CTBP1: variants seen among roughly 807,000 people sequenced by gnomAD.
CTBP1 encodes C-terminal-binding protein 1.
Under a neutral mutation model 42.1 loss-of-function variants are expected in CTBP1, and 11 were observed. The observed-to-expected ratio is 0.26, with a 90% confidence interval of 0.16 to 0.43. The LOEUF is 0.43. Among genes scored for constraint, CTBP1 ranks in the 20% least tolerant of loss-of-function variants. The pLI is 1.00. For missense variants in CTBP1, 399 were observed against 624.3 expected (o/e 0.64, Z 3.85); for synonymous variants, 324 against 277.1 (o/e 1.17, Z -1.68).
intron 1 of CTBP1, among the ~76,000 whole-genome samples, chr4:1,247,362 G>GC (rs1456988499): frequency 1.3e-5 from 2 of 152,118 alleles, no homozygotes; most frequent in Non-Finnish European, 2.9e-5. Flanking sequence ...TCAAAGATGG[G>GC]CAACAGAATC....
chr4:1,247,126 A>G (rs1732796797), intron 1 of CTBP1, among the ~76,000 whole-genome samples: 1 of 152,214 alleles, frequency 6.6e-6, no homozygotes, highest in Non-Finnish European at 1.5e-5. Flanking sequence ...CAAGCGAGTA[A>G]AAGGGAAGAT....
chr4:1,216,572 A>C lies in CTBP1; in HGVS notation c.515-367T>G. The C allele has an allele frequency of 8.1e-6, 3 of 371,290 alleles. No homozygotes were observed. The South Asian group carries it at 1.1e-4, about 14-fold the overall frequency. 23.0% of individuals were successfully genotyped at this position (371,290 alleles called of 1,614,324 possible). On this transcript the variant is annotated intron_variant, in intron 5 of 9. Coordinates refer to ENST00000382952, the MANE Select transcript of CTBP1 (RefSeq NM_001012614.2). ...CACCCAACACATGTCCTCCGTGCCCAGGCCCCTCCGCTGGCCTTTCGATCC... is the reference window on the plus strand; with the variant it reads ...CACCCAACACATGTCCTCCGTGCCCCGGCCCCTCCGCTGGCCTTTCGATCC...
rs760591269 is a variant in CTBP1, at chr4:1,238,631, C to T, written c.8-294G>A. ...CCTCCGAGACCCTCCAAGGCCCCTC[C>T]GAGATCCTCCCAGACCCTCTGAGAC... On this transcript the variant is annotated intron_variant, in intron 2 of 9. Transcript: ENST00000382952. This position sits in a 1 kb window ranked among gnomAD's most constrained non-coding sequence, Gnocchi z 5.9. 9.3e-5 allele frequency among the ~76,000 whole-genome samples: 14 copies of T among 150,950 alleles called. No individual in the cohort carries two copies. Among genetic ancestry groups the T allele is most frequent in the Non-Finnish European group, 1.9e-4 (13 of 67,710 alleles).
chr4:1,241,488 T>C lies in CTBP1; in HGVS notation c.-157A>G. 1 of 1,605,060 alleles carries C rather than the reference T, an allele frequency of 6.2e-7. No individual in the cohort carries two copies. Among genetic ancestry groups the C allele is most frequent in the Non-Finnish European group, 8.5e-7 (1 of 1,178,370 alleles). On this transcript the variant is annotated 5_prime_UTR_variant, in exon 2 of 10. Coordinates refer to ENST00000382952, the MANE Select transcript of CTBP1 (RefSeq NM_001012614.2). The stretch of plus-strand genomic sequence containing the variant: ...TGCTCAGGCTTCTGATCCGCGGCAA[T>C]CACTGAAGCCTGCGTCGGGGTCAAA...
In CTBP1 at chr4:1,238,435, A is replaced by C; in HGVS notation, c.8-98T>G. ...ACTGTGCACGGGCCAACGAGGGCCG[A>C]CCGCCGGGGGTTTTCTGGTCTATAT... On this transcript the variant is annotated intron_variant, in intron 2 of 9. Transcript: ENST00000382952. The surrounding 1 kb of genome is among the most constrained non-coding windows in gnomAD (Gnocchi z 5.9). 7.1e-7 allele frequency: 1 copy of C among 1,404,506 alleles called. No individual in the cohort carries two copies. Among genetic ancestry groups the C allele is most frequent in the Non-Finnish European group, 9.5e-7 (1 of 1,055,852 alleles). The allele number at this position is 1,404,506 out of a possible 1,614,324, so 87.0% of individuals were successfully genotyped here. A position where few individuals can be genotyped will look rare whatever the true frequency, so the allele number is the denominator to read the frequency against.
intron 1 of CTBP1, among the ~76,000 whole-genome samples, chr4:1,248,227 G>A (rs1002320569): frequency 2.6e-5 from 4 of 151,896 alleles, no homozygotes; most frequent in Non-Finnish European, 5.9e-5. Context: ...CCCAGGCAAG[G>A]GCAGGTGGGG....
intron 2 of CTBP1, among the ~76,000 whole-genome samples, chr4:1,240,832 C>A (rs933255249): frequency 2.6e-5 from 4 of 152,192 alleles, no homozygotes; most frequent in Non-Finnish European, 5.9e-5. Context: ...GCTTCACAGT[C>A]ACACGGCCTG....
At chr4:1,232,375 G>A (rs1226408287) in intron 3 of CTBP1, among the ~76,000 whole-genome samples, 2 of 152,062 alleles carry the variant, frequency 1.3e-5, no homozygotes, top group African/African-American at 4.8e-5. Flanking sequence ...GCAGTGACAC[G>A]ATCTTGGCTC....
At chr4:1,248,160 T>C (rs891558953) in intron 1 of CTBP1, among the ~76,000 whole-genome samples, 2 of 151,994 alleles carry the variant, frequency 1.3e-5, no homozygotes, top group East Asian at 2.0e-4. Flanking sequence ...CGCCCGCCCG[T>C]GCTCCCTGCT....
intron 1 of CTBP1, chr4:1,242,079 T>A: frequency 1.0e-6 from 1 of 985,320 alleles, no homozygotes; most frequent in Non-Finnish European, 1.2e-6. Flanking sequence ...CCTCAGTGCA[T>A]CCTGGCGACG....
rs114263592 is a variant in CTBP1, at chr4:1,243,707, T to C, written c.-188-2188A>G. ...GGGAGCTGGCCTCCTACGGCCTTCC[T>C]GGCTGGCCGGTCAGGGTCAAGGGCT... On this transcript the variant is annotated intron_variant, in intron 1 of 9. Coordinates refer to ENST00000382952, the MANE Select transcript of CTBP1 (RefSeq NM_001012614.2). 8.0e-4 allele frequency: 788 copies of C among 985,454 alleles called. 3 individuals carry two copies. The African/African-American group carries it at 0.013, about 16-fold the overall frequency. The allele number at this position is 985,454 out of a possible 1,614,324, so 61.0% of individuals were successfully genotyped here. A position where few individuals can be genotyped will look rare whatever the true frequency, so the allele number is the denominator to read the frequency against.
chr4:1,242,102 T>C (rs1351806202), intron 1 of CTBP1: 2 of 984,886 alleles, frequency 2.0e-6, no homozygotes, highest in African/African-American at 3.5e-5. Context: ...CCCTCAATTC[T>C]CCCAAAAAAA....
At chr4:1,242,323 G>A (rs1250101) in intron 1 of CTBP1, 356,467 of 985,162 alleles carry the variant, frequency 0.36, 67,524 homozygotes, top group Middle Eastern at 0.44. Context: ...ACACAGCACC[G>A]AGGCTGACCC....
chr4:1,236,916 C>T, intron 3 of CTBP1: 1 of 676,824 alleles, frequency 1.5e-6, no homozygotes, highest in East Asian at 2.7e-5. Flanking sequence ...CAGGGCAAAC[C>T]CGGTGTCCAC....
chr4:1,237,649 C>T (rs1731689461), intron 3 of CTBP1: 1 of 475,532 alleles, frequency 2.1e-6, no homozygotes, highest in Non-Finnish European at 4.0e-6. Flanking sequence ...CCCGTGTCCA[C>T]CTCCTGATGG....
intron 1 of CTBP1, 170 bp from the exon 2 acceptor site, chr4:1,241,689 T>C: frequency 7.9e-7 from 1 of 1,260,086 alleles, no homozygotes; most frequent in Non-Finnish European, 1.0e-6. Flanking sequence ...GGGCCCCGGC[T>C]CCTGCCGCAC....
chr4:1,222,911 C>G (rs1181603704), intron 5 of CTBP1, among the ~76,000 whole-genome samples: 7 of 149,288 alleles, frequency 4.7e-5, no homozygotes. Flanking sequence ...TACAGACATC[C>G]CTGGCCACAC....
Position 1,212,130 on chromosome 4 carries a change from C to A in CTBP1, c.*110G>T. ...CCCTCCCGCCTCCTGACAGCCCGGACCAGTCTCTGCAGTGCCAGGGCCACC... is the reference window on the plus strand; with the variant it reads ...CCCTCCCGCCTCCTGACAGCCCGGAACAGTCTCTGCAGTGCCAGGGCCACC... On this transcript the variant is annotated 3_prime_UTR_variant, in exon 10 of 10. Coordinates refer to ENST00000382952, the MANE Select transcript of CTBP1 (RefSeq NM_001012614.2). The A allele has an allele frequency of 4.2e-6, 4 of 963,332 alleles. No homozygotes were observed. Among genetic ancestry groups the A allele is most frequent in the Non-Finnish European group, 5.7e-6 (4 of 702,688 alleles). The allele number at this position is 963,332 out of a possible 1,614,324, so 59.7% of individuals were successfully genotyped here.
In CTBP1 at chr4:1,248,741, G is replaced by C. The variant is rs951182622; in HGVS notation, c.-189+175C>G. The stretch of plus-strand genomic sequence containing the variant: ...CCCGCGCATGCGCAAGACCCTTCCC[G>C]CGGTCCCGCCCCCGACCGCGGCCAC... On this transcript the variant is annotated intron_variant, in intron 1 of 9. Coordinates refer to ENST00000382952, the MANE Select transcript of CTBP1 (RefSeq NM_001012614.2). 1.4e-5 allele frequency: 14 copies of C among 979,534 alleles called. No individual in the cohort carries two copies. The South Asian group carries it at 1.9e-4, about 13-fold the overall frequency. 60.7% of individuals were successfully genotyped at this position (979,534 alleles called of 1,614,324 possible). A position where few individuals can be genotyped will look rare whatever the true frequency, so the allele number is the denominator to read the frequency against.
Sources: allele counts gnomAD v4.1 joint callset (sites outside exome capture counted in the v4.1 genomes callset), GRCh38; gene constraint gnomAD v4.1.1; non-coding constraint Gnocchi (gnomAD v3.1); transcripts MANE v1.5; gene names NCBI Gene and HGNC (gene_info 2026-07-23, HGNC 2026-07-21).